Variants in ZNF385D observed in about 807,000 individuals in gnomAD.
ZNF385D encodes zinc finger protein 659.
ZNF385D carries 15 observed loss-of-function variants against 35.8 expected under a neutral mutation model. The ratio of observed to expected loss-of-function variants is 0.42; its 90% CI spans 0.28 to 0.64. ZNF385D has a LOEUF of 0.64. Ranked by LOEUF, ZNF385D falls within the 30% of genes least tolerant of loss-of-function variation. The pLI is 0.23. For synonymous variants in ZNF385D, 212 were observed against 186.8 expected, an observed-to-expected ratio of 1.13 and a Z score of -1.10; for missense variants, 474 against 494.6, an observed-to-expected ratio of 0.96 and a Z score of 0.39.
At chr3:21,535,339 C>G (rs1451599821) in intron 3 of ZNF385D, among the ~76,000 whole-genome samples, 1 of 152,092 alleles carries the variant, frequency 6.6e-6, no homozygotes, top group African/African-American at 2.4e-5. Context: ...TCTTTCAGTA[C>G]CTTTGATCCT....
chr3:22,018,541 T>C lies in ZNF385D; in HGVS notation c.325+150276A>G, dbSNP rs148433735. 3.9e-3 allele frequency among the ~76,000 whole-genome samples: 600 copies of C among 152,162 alleles called. 5 individuals carry two copies. The highest frequency in any genetic ancestry group is 0.013 in the African/African-American group (549 of 41,558). On this transcript the variant is annotated intron_variant, in intron 3 of 5. Transcript: ENST00000494108. ...AACTTTTTGTTAGTTCCTAATTCTC[T>C]GATTTTGTTTCATTACATCTTCCAT... is the stretch of plus-strand genomic sequence containing the variant.
At chr3:22,061,730 C>G (rs529153009) in intron 3 of ZNF385D, among the ~76,000 whole-genome samples, 2 of 152,304 alleles carry the variant, frequency 1.3e-5, no homozygotes, top group African/African-American at 4.8e-5. Flanking sequence ...ATATGTCTTT[C>G]CTTCCTCTCC....
intron 3 of ZNF385D, among the ~76,000 whole-genome samples, chr3:22,010,575 T>C (rs1696509718): frequency 6.6e-6 from 1 of 152,182 alleles, no homozygotes; most frequent in Non-Finnish European, 1.5e-5. Context: ...TTGAGATAAC[T>C]ACATTTAAAG....
At chr3:21,435,713 T>A (rs1458085499) in intron 5 of ZNF385D, among the ~76,000 whole-genome samples, 1 of 152,236 alleles carries the variant, frequency 6.6e-6, no homozygotes, top group Non-Finnish European at 1.5e-5. Context: ...ATGTTTATAC[T>A]TTCCCAAATA....
intron 2 of ZNF385D, among the ~76,000 whole-genome samples, chr3:22,355,716 A>G (rs1187434906): frequency 1.3e-5 from 2 of 152,042 alleles, no homozygotes; most frequent in African/African-American, 2.4e-5. Context: ...AAGCAAGCTA[A>G]AAAATATATT....
rs996176429 is a variant in ZNF385D at position 21,413,271 on chromosome 3, T to A, written c.*7943A>T. 2 of 152,064 alleles carry A rather than the reference T, an allele frequency of 1.3e-5. No individual in the cohort carries two copies. The highest frequency in any genetic ancestry group is 4.8e-5 in the African/African-American group (2 of 41,416). 9.4% of individuals were successfully genotyped at this position (152,064 alleles called of 1,614,324 possible). ...AAAGCAAATTTATTTACCGAACACA[T>A]GGGCCATTAAGGTGGCACAAATTAG... On this transcript the variant is annotated 3_prime_UTR_variant, in exon 8 of 8. Coordinates refer to ENST00000281523, the MANE Select transcript of ZNF385D (RefSeq NM_024697.3).
Position 21,478,781 on chromosome 3 carries a change from C to T in ZNF385D, c.439+32080G>A, listed in dbSNP as rs1264639409. Among the ~76,000 whole-genome samples, 8 of 152,058 alleles carry T rather than the reference C, an allele frequency of 5.3e-5. No individual in the cohort carries two copies. The East Asian group carries it at 1.5e-3, about 29-fold the overall frequency. On this transcript the variant is annotated intron_variant, in intron 4 of 7. Transcript: ENST00000281523. ...TTTTATTCAAGTTTATGACTATCTTCCATAAAAAACACCATCCCCAGTAAC... is the reference window on the plus strand; with the variant it reads ...TTTTATTCAAGTTTATGACTATCTTTCATAAAAAACACCATCCCCAGTAAC...
At chr3:21,431,804 G>A (rs900864299) in intron 5 of ZNF385D, among the ~76,000 whole-genome samples, 7 of 152,058 alleles carry the variant, frequency 4.6e-5, no homozygotes, top group Non-Finnish European at 8.8e-5. Flanking sequence ...ACAATCTTTG[G>A]GCCTTAATAG....
chr3:21,737,282 A>G (rs180978583), intron 1 of ZNF385D, among the ~76,000 whole-genome samples: 30 of 152,332 alleles, frequency 2.0e-4, no homozygotes, highest in Admixed American at 8.5e-4. Flanking sequence ...TATGATAGTC[A>G]TTGTTTTTAC....
At chr3:22,079,955 T>C (rs965869212) in intron 3 of ZNF385D, among the ~76,000 whole-genome samples, 1 of 152,018 alleles carries the variant, frequency 6.6e-6, no homozygotes, top group Non-Finnish European at 1.5e-5. Context: ...GATAGATAGA[T>C]AGGTATTCTA....
chr3:22,279,609 C>T (rs1241684863), intron 2 of ZNF385D, among the ~76,000 whole-genome samples: 1 of 133,140 alleles, frequency 7.5e-6, no homozygotes, highest in Non-Finnish European at 1.5e-5. Context: ...TATGTATATA[C>T]ATATACATAT....
At chr3:21,836,235 G>A (rs574807912) in intron 3 of ZNF385D, among the ~76,000 whole-genome samples, 1 of 152,162 alleles carries the variant, frequency 6.6e-6, no homozygotes, top group South Asian at 2.1e-4. Context: ...GATATCAAGA[G>A]AAAAACATAA....
chr3:21,855,453 T>C (rs1284323394), intron 3 of ZNF385D, among the ~76,000 whole-genome samples: 1 of 152,058 alleles, frequency 6.6e-6, no homozygotes, highest in Admixed American at 6.6e-5. Flanking sequence ...TCTGTGGCTA[T>C]AAGATCTTCC....
chr3:21,567,980 C>A (rs1025845793), intron 2 of ZNF385D, among the ~76,000 whole-genome samples: 10 of 151,956 alleles, frequency 6.6e-5, no homozygotes, highest in Non-Finnish European at 1.5e-4. Flanking sequence ...ATGTTCTGAT[C>A]ACTGTGGCTA....
intron 3 of ZNF385D, among the ~76,000 whole-genome samples, chr3:21,563,936 T>C (rs2063048834): frequency 6.6e-6 from 1 of 152,052 alleles, no homozygotes; most frequent in African/African-American, 2.4e-5. Context: ...TCCTTAGAAA[T>C]GGTAGAAAAG....
chr3:22,114,709 T>C (rs1207510100), intron 3 of ZNF385D, among the ~76,000 whole-genome samples: 2 of 152,112 alleles, frequency 1.3e-5, no homozygotes, highest in South Asian at 4.1e-4. Context: ...TCTACTAACT[T>C]TGAATAGTTA....
At position 21,437,701 on chromosome 3, in the gene ZNF385D, CAAAA is replaced by C. The variant is rs751739275; in HGVS notation, c.440-502_440-499del. 3.5e-4 allele frequency among the ~76,000 whole-genome samples: 27 copies of C among 77,206 alleles called. 1 individual carries two copies. The highest frequency in any genetic ancestry group is 4.2e-4 in the Non-Finnish European group (18 of 43,362). 50.7% of individuals were successfully genotyped at this position (77,206 alleles called of 152,430 possible). A position where few individuals can be genotyped will look rare whatever the true frequency, so the allele number is the denominator to read the frequency against. On this transcript the variant is annotated intron_variant, in intron 4 of 7. Coordinates refer to ENST00000281523, the MANE Select transcript of ZNF385D (RefSeq NM_024697.3). ...ACAGATCCTTTTGCAAATGCTTATA[CAAAA>C]AAAAAAAAAAAAAACCGGAACCCTG...
intron 2 of ZNF385D, among the ~76,000 whole-genome samples, chr3:22,188,847 T>G (rs139341612): frequency 1.2e-4 from 19 of 152,316 alleles, no homozygotes; most frequent in African/African-American, 4.3e-4. Flanking sequence ...TTCATTTCTT[T>G]TTTTCTTTTC....
At chr3:21,456,577 G>A (rs1325651030) in intron 4 of ZNF385D, among the ~76,000 whole-genome samples, 1 of 152,016 alleles carries the variant, frequency 6.6e-6, no homozygotes, top group Non-Finnish European at 1.5e-5. Context: ...CACACACCGG[G>A]GCCTGTTGTG....
Sources: gnomAD v4.1 joint callset for allele counts (sites outside exome capture counted in the v4.1 genomes callset) on GRCh38, gnomAD v4.1.1 for gene constraint, MANE v1.5 for transcripts, NCBI Gene and HGNC (gene_info 2026-07-23, HGNC 2026-07-21) for gene names.